The following KIF13A variants were observed in gnomAD, a reference collection of about 807,000 sequenced individuals.
The protein encoded by KIF13A is kinesin family member 13A.
A neutral mutation model predicts 212.2 loss-of-function variants in KIF13A; 79 were observed. That is an observed-to-expected ratio of 0.37 (90% confidence interval 0.31 to 0.45). The LOEUF (loss-of-function observed/expected upper bound fraction) is 0.45, where lower values mean the gene tolerates loss of function less well. KIF13A is among the 20% of genes least tolerant of loss of function. The pLI is 1.00. For synonymous variants in KIF13A, 789 were observed against 808.6 expected (o/e 0.98, Z 0.41); for missense variants, 1,901 against 2,209.0 (o/e 0.86, Z 2.79).
intron 2 of KIF13A, among the ~76,000 whole-genome samples, chr6:17,948,292 G>C (rs562735808): frequency 7.4e-4 from 113 of 152,292 alleles, no homozygotes; most frequent in African/African-American, 2.6e-3. Flanking sequence ...CTGAGTAGTC[G>C]AGTGGTTTTA....
intron 13 of KIF13A, among the ~76,000 whole-genome samples, chr6:17,830,656 T>G (rs367955538): frequency 6.6e-6 from 1 of 152,142 alleles, no homozygotes; most frequent in Admixed American, 6.6e-5. Flanking sequence ...TAGAAGAACA[T>G]TGTTGTCTAT....
At chr6:17,807,876 T>C (rs369367784) in intron 18 of KIF13A, among the ~76,000 whole-genome samples, 7 of 152,172 alleles carry the variant, frequency 4.6e-5, no homozygotes, top group Non-Finnish European at 7.4e-5. Context: ...TTATGGAAAA[T>C]AGAAAGAACC....
chr6:17,950,798 C>T, intron 2 of KIF13A: 1 of 978,042 alleles, frequency 1.0e-6, no homozygotes, highest in Non-Finnish European at 1.2e-6. Flanking sequence ...TACTAAAGGA[C>T]TTTTAAATCT....
chr6:17,796,471 G>A (rs1288427129), intron 23 of KIF13A, among the ~76,000 whole-genome samples, 198 bp downstream of exon 23: 1 of 150,760 alleles, frequency 6.6e-6, no homozygotes, highest in African/African-American at 2.4e-5. Flanking sequence ...TCGAACTCCT[G>A]ACCTCATGAT....
Position 17,789,631 on chromosome 6 carries a change from A to ATT in KIF13A, c.3261+240_3261+241insAA, listed in dbSNP as rs1761363135. 2.0e-5 allele frequency among the ~76,000 whole-genome samples: 3 copies of ATT among 152,234 alleles called. No homozygotes were observed. The highest frequency in any genetic ancestry group is 6.5e-5 in the Admixed American group (1 of 15,284). The stretch of plus-strand genomic sequence containing the variant: ...AGTGATAATGGTCTTGCTTAGCAAT[A>ATT]AGCCAGTAAATCGAGATGGCATAGC... On this transcript the variant is annotated intron_variant, in intron 26 of 38. Coordinates refer to ENST00000259711, the MANE Select transcript of KIF13A (RefSeq NM_022113.6). The surrounding 1 kb of genome is among the most constrained non-coding windows in gnomAD (Gnocchi z 4.8).
chr6:17,788,224 G>A (rs1581923533), intron 26 of KIF13A, among the ~76,000 whole-genome samples: 1 of 152,180 alleles, frequency 6.6e-6, no homozygotes, highest in East Asian at 1.9e-4. Context: ...CAAACAGAAG[G>A]ACAGCATGAA....
rs557723257 is a variant in KIF13A at position 17,828,095 on chromosome 6, C to G, written c.1532+145G>C. 6.1e-4 allele frequency: 397 copies of G among 649,876 alleles called. 1 individual carries two copies. Among genetic ancestry groups the G allele is most frequent in the Middle Eastern group, 1.1e-3 (4 of 3,674 alleles). 40.3% of individuals were successfully genotyped at this position (649,876 alleles called of 1,614,324 possible). A position where few individuals can be genotyped will look rare whatever the true frequency, so the allele number is the denominator to read the frequency against. ...TAGTCACTCCTTCACAGTAATCACT[C>G]TCTACAATCAGAAAGCAAGGGCCCC... On this transcript the variant is annotated intron_variant, in intron 14 of 38. Transcript: ENST00000259711. The surrounding 1 kb of genome is among the most constrained non-coding windows in gnomAD (Gnocchi z 4.3).
chr6:17,927,003 T>A (rs926156922), intron 2 of KIF13A, among the ~76,000 whole-genome samples: 2 of 151,888 alleles, frequency 1.3e-5, no homozygotes, highest in African/African-American at 4.8e-5. Context: ...CCAGGTGTGG[T>A]GGTGCATGTG....
chr6:17,876,801 ATTTT>A (rs544178612), intron 3 of KIF13A, among the ~76,000 whole-genome samples: 318 of 152,118 alleles, frequency 2.1e-3, no homozygotes, highest in African/African-American at 7.1e-3. Context: ...TGCCCAACTA[ATTTT>A]TGTGTTTTTT....
At chr6:17,965,197 G>A (rs1347056683) in intron 2 of KIF13A, among the ~76,000 whole-genome samples, 1 of 151,994 alleles carries the variant, frequency 6.6e-6, no homozygotes, top group African/African-American at 2.4e-5. Flanking sequence ...CAAGAAGTCT[G>A]GATTAATTTT....
chr6:17,808,944 GA>G lies in KIF13A; in HGVS notation c.2001-15del. 6.4e-7 allele frequency: 1 copy of G among 1,564,148 alleles called. No homozygotes were observed. The highest frequency in any genetic ancestry group is 8.7e-7 in the Non-Finnish European group (1 of 1,155,100). ...AAGAGTTCATCCCTGCAGTGTCATA[GA>G]AAAGGGAACGAGAAAATCTAAAGGA... On this transcript the variant is annotated splice_polypyrimidine_tract_variant and intron_variant, in intron 17 of 38. Coordinates refer to ENST00000259711, the MANE Select transcript of KIF13A (RefSeq NM_022113.6).
In KIF13A at chr6:17,987,396, G is replaced by A. The variant is rs772708123; in HGVS notation, c.55+13C>T. ...GCCCGAGCAGAAATAAAAAAGAGCG[G>A]AAAGCTCCTCACCTCGTCGGTTCAT... is the stretch of plus-strand genomic sequence containing the variant. On this transcript the variant is annotated intron_variant, in intron 1 of 38. Transcript: ENST00000259711. The surrounding 1 kb of genome is among the most constrained non-coding windows in gnomAD (Gnocchi z 7.7). 3 of 1,365,400 alleles carry A rather than the reference G, an allele frequency of 2.2e-6. No individual in the cohort carries two copies. The highest frequency in any genetic ancestry group is 4.4e-5 in the East Asian group (1 of 22,744). The allele number at this position is 1,365,400 out of a possible 1,614,324, so 84.6% of individuals were successfully genotyped here.
chr6:17,851,937 T>TA lies in KIF13A; in HGVS notation c.582+17_582+18insT, dbSNP rs544980424. ...TTTATAGTCAGCTTTTAATCACATTTTAAAAAAAATGACTTACCTCAAAAC... is the reference window on the plus strand; with the variant it reads ...TTTATAGTCAGCTTTTAATCACATTTATAAAAAAAATGACTTACCTCAAAAC... On this transcript the variant is annotated intron_variant, in intron 7 of 38. Transcript: ENST00000259711. 1.5e-4 allele frequency: 202 copies of TA among 1,376,388 alleles called. No homozygotes were observed. In the African/African-American group the frequency reaches 2.8e-3, roughly 19 times the overall value. 85.3% of individuals were successfully genotyped at this position (1,376,388 alleles called of 1,614,324 possible).
intron 2 of KIF13A, among the ~76,000 whole-genome samples, chr6:17,911,422 C>G (rs1161801948): frequency 6.6e-6 from 1 of 152,204 alleles, no homozygotes; most frequent in Non-Finnish European, 1.5e-5. Context: ...TATCAGGTTC[C>G]TCTCCACTAT....
chr6:17,957,584 A>T (rs576089517), intron 2 of KIF13A, among the ~76,000 whole-genome samples: 7 of 152,184 alleles, frequency 4.6e-5, no homozygotes, highest in Non-Finnish European at 7.3e-5. Flanking sequence ...AGAAGCCCAG[A>T]CTTGTGACTG....
chr6:17,801,032 A>G (rs184917117), intron 20 of KIF13A, among the ~76,000 whole-genome samples: 21 of 152,112 alleles, frequency 1.4e-4, no homozygotes, highest in African/African-American at 4.8e-4. Context: ...ATGCCTGGCT[A>G]TCCATGTTTT....
In KIF13A at chr6:17,856,516, T is replaced by G. The variant is rs1768155053; in HGVS notation, c.221-394A>C. Reference sequence around the variant, plus strand: ...TGAACAAGACCATGTTATACACACCTTGGTATCTCCCTCAGCACCTAGCTT... The same window carrying G: ...TGAACAAGACCATGTTATACACACCGTGGTATCTCCCTCAGCACCTAGCTT... On this transcript the variant is annotated intron_variant, in intron 4 of 38. Coordinates refer to ENST00000259711, the MANE Select transcript of KIF13A (RefSeq NM_022113.6). The surrounding 1 kb of genome is among the most constrained non-coding windows in gnomAD (Gnocchi z 4.5). Among the ~76,000 whole-genome samples, 1 of 152,216 alleles carries G rather than the reference T, an allele frequency of 6.6e-6. No individual in the cohort carries two copies. Among genetic ancestry groups the G allele is most frequent in the South Asian group, 2.1e-4 (1 of 4,832 alleles).
In KIF13A at chr6:17,967,889, G is replaced by A. The variant is rs189169755; in HGVS notation, c.146+19165C>T. The stretch of plus-strand genomic sequence containing the variant: ...TAAAAGCTTACTTAATAAAGTCTGT[G>A]AAGGTCTTAATAAATGCTTAATAAA... On this transcript the variant is annotated intron_variant, in intron 2 of 38. Transcript: ENST00000259711. This position sits in a 1 kb window ranked among gnomAD's most constrained non-coding sequence, Gnocchi z 4.1. 7.9e-5 allele frequency among the ~76,000 whole-genome samples: 12 copies of A among 152,306 alleles called. No homozygotes were observed. Among genetic ancestry groups the A allele is most frequent in the Admixed American group, 7.2e-4 (11 of 15,292 alleles).
At position 17,947,494 on chromosome 6, in the gene KIF13A, C is replaced by T. The variant is rs1449199203; in HGVS notation, c.146+39560G>A. Among the ~76,000 whole-genome samples, 5 of 152,132 alleles carry T rather than the reference C, an allele frequency of 3.3e-5. No individual in the cohort carries two copies. Among genetic ancestry groups the T allele is most frequent in the African/African-American group, 1.2e-4 (5 of 41,430 alleles). On this transcript the variant is annotated intron_variant, in intron 2 of 38. Transcript: ENST00000259711. The surrounding 1 kb of genome is among the most constrained non-coding windows in gnomAD (Gnocchi z 4.6). ...TCTTAACTTCAAAAGTTCAAAACTTCGTTGCCTGTTAAATTTCCTGAATTT... is the reference window on the plus strand; with the variant it reads ...TCTTAACTTCAAAAGTTCAAAACTTTGTTGCCTGTTAAATTTCCTGAATTT...
Sources: allele counts gnomAD v4.1 joint callset (sites outside exome capture counted in the v4.1 genomes callset), GRCh38; gene constraint gnomAD v4.1.1; non-coding constraint Gnocchi (gnomAD v3.1); transcripts MANE v1.5; gene names NCBI Gene and HGNC (gene_info 2026-07-23, HGNC 2026-07-21).